Variants in RIOK2 observed in about 807,000 individuals in gnomAD.
RIOK2 encodes the protein RIO kinase 2.
RIOK2 carries 46 observed loss-of-function variants against 62.4 expected under a neutral mutation model. The observed-to-expected ratio is 0.74, with a 90% CI of 0.58 to 0.94. The LOEUF (loss-of-function observed/expected upper bound fraction) is 0.94, where lower values mean the gene tolerates loss of function less well. RIOK2 is among the 40% of genes least tolerant of loss of function. The probability of loss-of-function intolerance (pLI) is 0.00; values close to 1 mark genes in which losing one functional copy is unlikely to be tolerated. For synonymous variants in RIOK2, 197 were observed against 216.0 expected (o/e 0.91, Z 0.77); for missense variants, 574 against 658.0 (o/e 0.87, Z 1.40).
chr5:97,175,588 T>C (rs1741427369), intron 4 of RIOK2, among the ~76,000 whole-genome samples: 1 of 152,218 alleles, frequency 6.6e-6, no homozygotes, highest in Non-Finnish European at 1.5e-5. Flanking sequence ...TATTACAAGA[T>C]ACAAACTATT....
At chr5:97,168,618 T>TA in intron 7 of RIOK2, 142 bp downstream of exon 7, 1 of 453,472 alleles carries the variant, frequency 2.2e-6, no homozygotes, top group Non-Finnish European at 4.0e-6. Flanking sequence ...AAGTTTCAGT[T>TA]ATGTACTACA....
At chr5:97,169,742 T>C (rs1748947316) in intron 6 of RIOK2, among the ~76,000 whole-genome samples, 1 of 152,186 alleles carries the variant, frequency 6.6e-6, no homozygotes, top group Non-Finnish European at 1.5e-5. Flanking sequence ...TCTCAATCTC[T>C]AGCAATTAGC....
chr5:97,175,059 A>AAAATAAATAAATAAAT (rs78028300), intron 4 of RIOK2, among the ~76,000 whole-genome samples: 4 of 151,002 alleles, frequency 2.6e-5, no homozygotes, highest in Admixed American at 6.6e-5. Flanking sequence ...CCTTGTCTTG[A>AAAATAAATAAATAAAT]AAATAAATAA....
intron 8 of RIOK2, among the ~76,000 whole-genome samples, chr5:97,165,478 GTC>G: frequency 6.6e-6 from 1 of 152,080 alleles, no homozygotes; most frequent in African/African-American, 2.4e-5. Context: ...ATATAAATCT[GTC>G]TCTCCCTATC....
At chr5:97,180,142 G>GTATATATGTGTGTA (rs1554083620) in intron 1 of RIOK2, among the ~76,000 whole-genome samples, 1 of 96,072 alleles carries the variant, frequency 1.0e-5, no homozygotes, top group African/African-American at 4.1e-5. Context: ...ATATATATAT[G>GTATATATGTGTGTA]TATATATATA....
At chr5:97,179,953 T>G (rs1749290846) in intron 1 of RIOK2, among the ~76,000 whole-genome samples, 1 of 53,770 alleles carries the variant, frequency 1.9e-5, no homozygotes. Context: ...CCCCAGAACT[T>G]AAAAGTATTT....
At chr5:97,164,278 A>G (rs1321073198) in intron 9 of RIOK2, among the ~76,000 whole-genome samples, 3 of 151,896 alleles carry the variant, frequency 2.0e-5, no homozygotes, top group Non-Finnish European at 4.4e-5. Context: ...AGGTGGGTGG[A>G]TCACCTGAGG....
At chr5:97,168,304 T>C (rs1580267880) in intron 7 of RIOK2, among the ~76,000 whole-genome samples, 1 of 152,348 alleles carries the variant, frequency 6.6e-6, no homozygotes, top group Non-Finnish European at 1.5e-5. Context: ...TTCCTTCAGA[T>C]TATGTGACTC....
chr5:97,177,703 A>T, intron 3 of RIOK2, 29 bp downstream of exon 3: 2 of 1,302,404 alleles, frequency 1.5e-6, no homozygotes. Context: ...AGCAAAGAAA[A>T]TACTTTGCAC....
At position 97,163,060 on chromosome 5, in the gene RIOK2, A is replaced by G. The variant is rs2112822157; in HGVS notation, c.*1T>C. 1 of 1,606,886 alleles carries G rather than the reference A, an allele frequency of 6.2e-7. No homozygotes were observed. Among genetic ancestry groups the G allele is most frequent in the East Asian group, 2.2e-5 (1 of 44,718 alleles). On this transcript the variant is annotated 3_prime_UTR_variant, in exon 10 of 10. Coordinates refer to ENST00000283109, the MANE Select transcript of RIOK2 (RefSeq NM_018343.3). ...TAAACATATCCAAGATCCTAAATAT[A>G]TTATTCTCCCCAAAAGCTGGCTGCT...
In RIOK2 at chr5:97,161,004, T is replaced by G. The variant is rs1054076955; in HGVS notation, c.*2057A>C. ...CCAGTGACCATCACAATAGGAAAGG[T>G]GGTCAGCTTGTGGAATTTTCCTTTT... On this transcript the variant is annotated 3_prime_UTR_variant, in exon 10 of 10. Transcript: ENST00000283109. 6.6e-6 allele frequency: 1 copy of G among 152,192 alleles called. No homozygotes were observed. The highest frequency in any genetic ancestry group is 2.4e-5 in the African/African-American group (1 of 41,432). 9.4% of individuals were successfully genotyped at this position (152,192 alleles called of 1,614,324 possible).
Position 97,171,383 on chromosome 5 carries a change from T to C in RIOK2, c.602A>G (p.His201Arg). Residue 201 changes from histidine to arginine, a missense_variant, in exon 6 of 10, where the codon CAT becomes CGT. His to Arg is a conservative substitution (Grantham distance 29). Coordinates refer to ENST00000283109, the MANE Select transcript of RIOK2 (RefSeq NM_018343.3). ...ATATACTGATGCAGGATCTTCAACA[T>C]GGTGTATCTGACATCTGAAAGTATT... ...INGYPLCQIH[H>R]VEDPASVYDE... The C allele has an allele frequency of 6.5e-7, 1 of 1,534,676 alleles. No individual in the cohort carries two copies. The highest frequency in any genetic ancestry group is 8.8e-7 in the Non-Finnish European group (1 of 1,140,422).
intron 4 of RIOK2, among the ~76,000 whole-genome samples, chr5:97,174,177 G>T (rs556789215): frequency 6.6e-6 from 1 of 152,142 alleles, no homozygotes; most frequent in South Asian, 2.1e-4. Flanking sequence ...CCAGCAATTT[G>T]GGAGGCCGAG....
intron 2 of RIOK2, chr5:97,178,824 T>C (rs1749254673): frequency 5.4e-6 from 3 of 556,236 alleles, no homozygotes; most frequent in Admixed American, 6.4e-5. Flanking sequence ...AGTACCTACA[T>C]GCTCTTCTGC....
chr5:97,177,292 C>A lies in RIOK2; in HGVS notation c.323-1G>T, dbSNP rs1235505807. The A allele has an allele frequency of 6.2e-7, 1 of 1,604,778 alleles. No homozygotes were observed. The highest frequency in any genetic ancestry group is 2.2e-5 in the East Asian group (1 of 44,698). ...TCTTCATTTGCAACAATGTAAATATCTAGAGACAAAATTTCAAAAACAACC... is the reference window on the plus strand; with the variant it reads ...TCTTCATTTGCAACAATGTAAATATATAGAGACAAAATTTCAAAAACAACC... On this transcript the variant is annotated splice_acceptor_variant, in intron 3 of 9. Transcript: ENST00000283109. LOFTEE classifies it high-confidence loss of function.
rs765406758 is a variant in RIOK2, at chr5:97,167,665, A to G, written c.1199T>C (p.Leu400Ser). 40 of 1,614,198 alleles carry G rather than the reference A, an allele frequency of 2.5e-5. No individual in the cohort carries two copies. The highest frequency in any genetic ancestry group is 3.4e-5 in the Non-Finnish European group (40 of 1,180,006). The change falls in exon 8 of 10, where the codon TTA (leucine) becomes TCA (serine). Residue 400 changes from leucine (L) to serine (S), a missense_variant. Transcript: ENST00000283109. ...SFEMTEFNQA[L>S]EEIKGQVVEN... The stretch of plus-strand genomic sequence containing the variant: ...AACAACCTGCCCTTTTATTTCTTCT[A>G]AAGCTTGATTGAATTCAGTCATTTC...
intron 9 of RIOK2, among the ~76,000 whole-genome samples, chr5:97,164,612 C>A (rs562875324): frequency 6.6e-5 from 10 of 152,252 alleles, no homozygotes; most frequent in African/African-American, 2.4e-4. Context: ...ACCTTATAAT[C>A]CTCACAGTGA....
chr5:97,172,529 C>T (rs1010971796), intron 5 of RIOK2, among the ~76,000 whole-genome samples: 1 of 152,210 alleles, frequency 6.6e-6, no homozygotes, highest in Admixed American at 6.5e-5. Flanking sequence ...ACAACCATTT[C>T]TTGCCTAGAT....
rs750824170 is a variant in RIOK2 at position 97,167,532 on chromosome 5, C to T, written c.1332G>A (p.Glu444=). 3 of 1,614,200 alleles carry T rather than the reference C, an allele frequency of 1.9e-6. No individual in the cohort carries two copies. In the South Asian group the frequency reaches 3.3e-5, roughly 18 times the overall value. Residue 444 remains glutamate (E), a synonymous_variant, in exon 8 of 10, where the codon GAG becomes GAA. Coordinates refer to ENST00000283109, the MANE Select transcript of RIOK2 (RefSeq NM_018343.3). ...VQGGVPAGSD[E]YEDECPHLIA... is the part of the protein sequence containing the mutation. ...TTAGATGAGGGCATTCATCTTCATACTCGTCAGAGCCAGCAGGGACTCCTC... is the reference window on the plus strand; with the variant it reads ...TTAGATGAGGGCATTCATCTTCATATTCGTCAGAGCCAGCAGGGACTCCTC...
Sources: gnomAD v4.1 joint callset for allele counts (sites outside exome capture counted in the v4.1 genomes callset) on GRCh38, gnomAD v4.1.1 for gene constraint, MANE v1.5 for transcripts, NCBI Gene and HGNC (gene_info 2026-07-23, HGNC 2026-07-21) for gene names.